The following PDE1A variants were observed in gnomAD, a reference collection of about 807,000 sequenced individuals.
The protein encoded by PDE1A is dual specificity calcium/calmodulin-dependent 3',5'-cyclic nucleotide phosphodiesterase 1A.
A neutral mutation model predicts 61.7 loss-of-function variants in PDE1A; 35 were observed. That is an observed-to-expected ratio of 0.57 (90% CI 0.43 to 0.75). The LOEUF (loss-of-function observed/expected upper bound fraction) is 0.75, where lower values mean the gene tolerates loss of function less well. Ranked by LOEUF, PDE1A falls within the 30% of genes least tolerant of loss-of-function variation. The pLI is 0.00. For missense variants in PDE1A, 597 were observed against 630.6 expected (o/e 0.95, Z 0.57); for synonymous variants, 232 against 213.2 (o/e 1.09, Z -0.77).
At chr2:182,584,913 G>A in the PDE1A span, among the ~76,000 whole-genome samples, 2 of 152,140 alleles carry the variant, frequency 1.3e-5, no homozygotes, top group African/African-American at 2.4e-5. Context: ...TATGAGAAAA[G>A]CTTTGTTTTT....
At chr2:182,553,663 G>A in the PDE1A span, among the ~76,000 whole-genome samples, 1 of 152,236 alleles carries the variant, frequency 6.6e-6, no homozygotes, top group African/African-American at 2.4e-5. Context: ...GAGGAATTGT[G>A]AAAAGAATGA....
At chr2:182,531,708 T>G in the PDE1A span, among the ~76,000 whole-genome samples, 14 of 152,224 alleles carry the variant, frequency 9.2e-5, no homozygotes, top group Non-Finnish European at 1.5e-4. Context: ...TATTTGTGGG[T>G]TTTTTAATAT....
At chr2:182,560,515 A>T in the PDE1A span, among the ~76,000 whole-genome samples, 279 of 151,354 alleles carry the variant, frequency 1.8e-3, 1 homozygote, top group African/African-American at 6.3e-3. Flanking sequence ...ATAGTGCCGC[A>T]ATAAACATAC....
rs1337426071 is a variant in PDE1A at position 182,426,836 on chromosome 2, G to A, written c.-206C>T. On this transcript the variant is annotated 5_prime_UTR_variant, in exon 1 of 14. The change creates a new upstream start codon in the 5' untranslated region. Coordinates refer to ENST00000351439, the Ensembl canonical transcript of PDE1A. ...CATAGAGGCCACATAAGACAGGCAC[G>A]TTGGGGCACTCCCCCACAGAGCAGG... 39 of 1,386,686 alleles carry A rather than the reference G, an allele frequency of 2.8e-5. 1 individual carries two copies. The highest frequency in any genetic ancestry group is 2.6e-4 in the Middle Eastern group (1 of 3,788). The allele number at this position is 1,386,686 out of a possible 1,614,324, so 85.9% of individuals were successfully genotyped here.
the PDE1A span, among the ~76,000 whole-genome samples, chr2:182,642,626 A>C: frequency 6.6e-6 from 1 of 152,192 alleles, no homozygotes; most frequent in African/African-American, 2.4e-5. Flanking sequence ...AAATTGGGGA[A>C]GAGATGGCTC....
At chr2:182,425,584 G>A (rs1703568319) in intron 1 of PDE1A, among the ~76,000 whole-genome samples, 1 of 152,126 alleles carries the variant, frequency 6.6e-6, no homozygotes, top group African/African-American at 2.4e-5. Context: ...ATTCAGTAAT[G>A]ATGTTTAATC....
intron 2 of PDE1A, among the ~76,000 whole-genome samples, chr2:182,503,828 G>C (rs1689238983): frequency 6.6e-6 from 1 of 152,142 alleles, no homozygotes. Context: ...GGAAGGTAGG[G>C]ATCGTATCTG....
chr2:182,214,575 C>T (rs1242990585), intron 7 of PDE1A, among the ~76,000 whole-genome samples: 2 of 151,306 alleles, frequency 1.3e-5, no homozygotes, highest in South Asian at 4.2e-4. Flanking sequence ...GGAAGATCTA[C>T]CAAGCCAATG....
chr2:182,604,484 C>T, the PDE1A span, among the ~76,000 whole-genome samples: 3 of 152,092 alleles, frequency 2.0e-5, no homozygotes, highest in Non-Finnish European at 4.4e-5. Context: ...AAAGTACTTC[C>T]CATGAAGAAC....
At chr2:182,186,140 A>G in intron 12 of PDE1A, 61 bp from the exon 13 acceptor site, 1 of 1,553,182 alleles carries the variant, frequency 6.4e-7, no homozygotes, top group Middle Eastern at 1.7e-4. Context: ...AACAAGGAAA[A>G]CCTGAAAAAC....
chr2:182,493,006 C>A (rs1222845273), intron 2 of PDE1A, among the ~76,000 whole-genome samples: 1 of 151,410 alleles, frequency 6.6e-6, no homozygotes, highest in African/African-American at 2.4e-5. Context: ...GGGCAGGGAC[C>A]AGCAGGCTTT....
At chr2:182,403,610 A>AAAAAAAAAG (rs1462512324) in intron 1 of PDE1A, among the ~76,000 whole-genome samples, 1 of 151,010 alleles carries the variant, frequency 6.6e-6, no homozygotes, top group African/African-American at 2.5e-5. Context: ...AAAAAAAAAA[A>AAAAAAAAAG]AAAAGAAAAT....
intron 1 of PDE1A, among the ~76,000 whole-genome samples, chr2:182,411,336 T>G (rs893582989): frequency 6.6e-6 from 1 of 152,230 alleles, no homozygotes; most frequent in African/African-American, 2.4e-5. Flanking sequence ...CACTGTTGCA[T>G]GTATTTTTGG....
chr2:182,431,609 A>G (rs1465116749), upstream of PDE1A, among the ~76,000 whole-genome samples: 1 of 152,068 alleles, frequency 6.6e-6, no homozygotes, highest in African/African-American at 2.4e-5. Flanking sequence ...GTCATTCACA[A>G]CTCTCAGCAT....
At chr2:182,457,810 T>A (rs1256478209) in intron 2 of PDE1A, among the ~76,000 whole-genome samples, 2 of 152,066 alleles carry the variant, frequency 1.3e-5, no homozygotes, top group African/African-American at 2.4e-5. Context: ...ACTGGATAAA[T>A]AACAGCTATG....
At chr2:182,643,648 C>T in the PDE1A span, among the ~76,000 whole-genome samples, 4 of 152,138 alleles carry the variant, frequency 2.6e-5, no homozygotes, top group Non-Finnish European at 5.9e-5. Context: ...AAAGCTCTCT[C>T]ACCAGAACTA....
the PDE1A span, among the ~76,000 whole-genome samples, chr2:182,550,486 C>T: frequency 1.3e-5 from 2 of 152,142 alleles, no homozygotes; most frequent in Non-Finnish European, 1.5e-5. Context: ...TAGTCTACTA[C>T]TAAGTTCTGA....
intron 2 of PDE1A, among the ~76,000 whole-genome samples, chr2:182,244,395 C>T (rs1472322675): frequency 1.3e-5 from 2 of 150,632 alleles, no homozygotes; most frequent in African/African-American, 4.9e-5. Context: ...TTTTATTTGT[C>T]AAACACTCTA....
At chr2:182,313,408 C>T (rs747349065) in intron 1 of PDE1A, among the ~76,000 whole-genome samples, 3 of 151,472 alleles carry the variant, frequency 2.0e-5, no homozygotes, top group Admixed American at 6.6e-5. Context: ...AGAAAGACTC[C>T]GTCTCAAAAA....
Sources: allele counts gnomAD v4.1 joint callset (sites outside exome capture counted in the v4.1 genomes callset), GRCh38; gene constraint gnomAD v4.1.1; transcripts MANE v1.5; gene names NCBI Gene and HGNC (gene_info 2026-07-23, HGNC 2026-07-21).